Variants in DLEU7 observed in about 807,000 individuals in gnomAD.
DLEU7 encodes the protein leukemia-associated protein 7.
Under a neutral mutation model 16.0 loss-of-function variants are expected in DLEU7, and 17 were observed. The observed-to-expected ratio is 1.06, with a 90% CI of 0.73 to 1.59. The LOEUF is 1.59. DLEU7 is among the 40% of genes most tolerant of loss of function. The pLI is 0.00. For missense variants in DLEU7, 308 were observed against 314.9 expected, an observed-to-expected ratio of 0.98 and a Z score of 0.17; for synonymous variants, 113 against 139.8, an observed-to-expected ratio of 0.81 and a Z score of 1.35.
chr13:50,713,051 C>T (rs1002003304), exon 2 of DLEU7: 2 of 701,288 alleles, frequency 2.9e-6, no homozygotes. Context: ...CAGAGATCCA[C>T]AGAGACCATG....
At chr13:50,791,934 G>A (rs1300377883) in intron 1 of DLEU7, among the ~76,000 whole-genome samples, 1 of 152,168 alleles carries the variant, frequency 6.6e-6, no homozygotes, top group East Asian at 1.9e-4. Flanking sequence ...ATAGAATTGA[G>A]CTTCAGTCTT....
chr13:50,723,844 T>A (rs535908899), intron 1 of DLEU7, among the ~76,000 whole-genome samples: 61 of 151,582 alleles, frequency 4.0e-4, no homozygotes, highest in South Asian at 1.0e-3. Context: ...ATAAAAAAAA[T>A]ATATATATGT....
chr13:50,817,124 A>C (rs1876758313), intron 1 of DLEU7, among the ~76,000 whole-genome samples: 1 of 152,094 alleles, frequency 6.6e-6, no homozygotes. Context: ...GTTTTTTTTA[A>C]GGAAAAAGAA....
intron 1 of DLEU7, among the ~76,000 whole-genome samples, chr13:50,746,773 G>T (rs1251945608): frequency 1.3e-5 from 2 of 152,160 alleles, no homozygotes; most frequent in South Asian, 2.1e-4. Context: ...AAGAGAGGCA[G>T]CCTAGTAGAT....
chr13:50,748,595 CGG>C (rs1874470136), intron 1 of DLEU7, among the ~76,000 whole-genome samples: 1 of 152,030 alleles, frequency 6.6e-6, no homozygotes, highest in Admixed American at 6.6e-5. Context: ...GGTCCTACCT[CGG>C]GTCCCTAGTC....
intron 1 of DLEU7, among the ~76,000 whole-genome samples, chr13:50,738,619 T>A (rs1260618557): frequency 1.3e-5 from 2 of 152,098 alleles, no homozygotes; most frequent in African/African-American, 4.8e-5. Context: ...TCTTTCCACA[T>A]TACCCTGCTA....
At chr13:50,817,492 A>G (rs1302692600) in intron 1 of DLEU7, among the ~76,000 whole-genome samples, 1 of 152,166 alleles carries the variant, frequency 6.6e-6, no homozygotes, top group Non-Finnish European at 1.5e-5. Flanking sequence ...ATCCCTGATG[A>G]GGACACCCAG....
chr13:50,757,252 T>A (rs1028439392), intron 1 of DLEU7, among the ~76,000 whole-genome samples: 2 of 152,214 alleles, frequency 1.3e-5, no homozygotes, highest in Non-Finnish European at 2.9e-5. Context: ...GCAATGATGA[T>A]CTTTTGTTGT....
chr13:50,821,105 A>C (rs1876891404), downstream of DLEU7, among the ~76,000 whole-genome samples: 1 of 152,106 alleles, frequency 6.6e-6, no homozygotes, highest in African/African-American at 2.4e-5. Context: ...GGAGACTGGG[A>C]GCCACGAGCT....
intron 1 of DLEU7, among the ~76,000 whole-genome samples, chr13:50,759,970 T>C (rs748222667): frequency 1.3e-5 from 2 of 152,202 alleles, no homozygotes; most frequent in African/African-American, 2.4e-5. Flanking sequence ...TGACCCCCCA[T>C]GTAGCTCATC....
chr13:50,823,497 G>A lies in DLEU7; in HGVS notation c.483C>T (p.Ile161=). 6.5e-7 allele frequency: 1 copy of A among 1,535,832 alleles called. No individual in the cohort carries two copies. Among genetic ancestry groups the A allele is most frequent in the Non-Finnish European group, 8.7e-7 (1 of 1,146,676 alleles). ...HLKDSVEFRN[I]CSHLALQIEG... ...CAATCTGTAGAGCCAAATGACTGCA[G>A]ATGTTTCTAAACTCAACACTATCCT... Residue 161 remains isoleucine (I), a synonymous_variant, in exon 2 of 2, where the codon ATC becomes ATT. Coordinates refer to ENST00000504404, the MANE Select transcript of DLEU7 (RefSeq NM_001306135.2).
At chr13:50,802,933 C>T (rs913574817) in intron 1 of DLEU7, among the ~76,000 whole-genome samples, 1 of 152,144 alleles carries the variant, frequency 6.6e-6, no homozygotes, top group Non-Finnish European at 1.5e-5. Flanking sequence ...TACATTATTA[C>T]ATAATATATT....
chr13:50,717,367 T>A lies in DLEU7; in HGVS notation c.460-4127A>T, dbSNP rs536624084. ...TCATCTGGTAAACTAGTGGAAAAGG[T>A]AAATGGAGCCAGAAAGAGGCCAGAG... On this transcript the variant is annotated intron_variant, in intron 1 of 1. Coordinates refer to the DLEU7 transcript ENST00000400393. 1.6e-3 allele frequency among the ~76,000 whole-genome samples: 242 copies of A among 152,142 alleles called. 2 individuals carry two copies. Among genetic ancestry groups the A allele is most frequent in the Middle Eastern group, 6.8e-3 (2 of 294 alleles).
chr13:50,833,339 C>A (rs1474725203), intron 1 of DLEU7, among the ~76,000 whole-genome samples: 2 of 152,236 alleles, frequency 1.3e-5, no homozygotes, highest in Non-Finnish European at 2.9e-5. Context: ...TGATAAGCAA[C>A]TTCAGCAAAG....
Position 50,761,433 on chromosome 13 carries a change from A to AAG in DLEU7, c.460-48194_460-48193insCT, listed in dbSNP as rs397969540. Among the ~76,000 whole-genome samples the AAG allele has an allele frequency of 3.0e-4, 45 of 151,638 alleles. 1 individual carries two copies. The highest frequency in any genetic ancestry group is 1.5e-4 in the Non-Finnish European group (10 of 67,884). On this transcript the variant is annotated intron_variant, in intron 1 of 1. Transcript: ENST00000400393. ...GGGGCTAATGTCATGTGCAAAAAAA[A>AAG]GAGGGAAGAGGAAACCCAGCTGTTG... is the stretch of plus-strand genomic sequence containing the variant.
chr13:50,804,866 A>G (rs1876346553), intron 1 of DLEU7, among the ~76,000 whole-genome samples: 2 of 145,910 alleles, frequency 1.4e-5, no homozygotes, highest in Admixed American at 1.4e-4. Context: ...TAATATAGGA[A>G]GGATGATGAT....
At chr13:50,830,723 G>A (rs773555723) in intron 1 of DLEU7, among the ~76,000 whole-genome samples, 70 of 152,146 alleles carry the variant, frequency 4.6e-4, no homozygotes, top group Non-Finnish European at 9.1e-4. Context: ...TATCTGCCCT[G>A]AGGTAGGCAG....
chr13:50,718,465 G>A (rs1018181161), intron 1 of DLEU7, among the ~76,000 whole-genome samples: 2 of 152,158 alleles, frequency 1.3e-5, no homozygotes, highest in Non-Finnish European at 2.9e-5. Flanking sequence ...TTAGAATGAG[G>A]GGCTATTGGC....
At chr13:50,719,205 A>G (rs1000859203) in intron 1 of DLEU7, among the ~76,000 whole-genome samples, 5 of 152,226 alleles carry the variant, frequency 3.3e-5, no homozygotes, top group Non-Finnish European at 5.9e-5. Flanking sequence ...ATCCATTACC[A>G]TGAATAATTT....
Sources: gnomAD v4.1 joint callset for allele counts (sites outside exome capture counted in the v4.1 genomes callset) on GRCh38, gnomAD v4.1.1 for gene constraint, MANE v1.5 for transcripts, NCBI Gene and HGNC (gene_info 2026-07-23, HGNC 2026-07-21) for gene names.